Variants in DIP2C observed in about 807,000 individuals in gnomAD.
DIP2C encodes disco-interacting protein 2 homolog C.
DIP2C carries 33 observed loss-of-function variants against 192.4 expected under a neutral mutation model. The ratio of observed to expected loss-of-function variants is 0.17; its 90% CI spans 0.13 to 0.23. The LOEUF (loss-of-function observed/expected upper bound fraction) is 0.23. DIP2C is among the 10% of genes least tolerant of loss of function. The pLI, the probability that DIP2C is intolerant of heterozygous loss-of-function variation, is 1.00. For missense variants in DIP2C, 1,537 were observed against 2,110.1 expected (o/e 0.73, Z 5.32); for synonymous variants, 979 against 864.1 (o/e 1.13, Z -2.33).
At chr10:619,193 C>T (rs1053029662) in intron 1 of DIP2C, among the ~76,000 whole-genome samples, 1 of 152,192 alleles carries the variant, frequency 6.6e-6, no homozygotes, top group Non-Finnish European at 1.5e-5. Flanking sequence ...AACACCTGGA[C>T]AAGTCACATT....
intron 5 of DIP2C, among the ~76,000 whole-genome samples, chr10:421,629 A>C (rs1966186791): frequency 6.6e-6 from 1 of 152,268 alleles, no homozygotes; most frequent in Non-Finnish European, 1.5e-5. Flanking sequence ...AAACTGTGTT[A>C]AACTGAAGTT....
chr10:586,944 A>G (rs940539760), intron 1 of DIP2C, among the ~76,000 whole-genome samples: 6 of 151,770 alleles, frequency 4.0e-5, no homozygotes, highest in Admixed American at 3.3e-4. Flanking sequence ...GGGGAGGGGC[A>G]AACAGTGCAG....
At chr10:370,510 C>T (rs758427806) in intron 17 of DIP2C, among the ~76,000 whole-genome samples, 1 of 152,238 alleles carries the variant, frequency 6.6e-6, no homozygotes, top group Non-Finnish European at 1.5e-5. Context: ...ACTACCTGTG[C>T]GACCTCCTCC....
intron 29 of DIP2C, chr10:340,723 C>A: frequency 2.2e-6 from 1 of 456,416 alleles, no homozygotes; most frequent in Non-Finnish European, 4.4e-6. Flanking sequence ...AGGCTCCGAG[C>A]CGGCTGCTGG....
chr10:449,266 C>T (rs1463656388), intron 3 of DIP2C, among the ~76,000 whole-genome samples: 1 of 152,196 alleles, frequency 6.6e-6, no homozygotes, highest in African/African-American at 2.4e-5. Flanking sequence ...GACTTTCAAG[C>T]TCATCTTGTG....
At chr10:503,762 G>A (rs574346575) in intron 1 of DIP2C, among the ~76,000 whole-genome samples, 4 of 152,232 alleles carry the variant, frequency 2.6e-5, no homozygotes, top group Non-Finnish European at 4.4e-5. Flanking sequence ...ATTTGTAACC[G>A]CATTTTTACA....
intron 3 of DIP2C, among the ~76,000 whole-genome samples, chr10:467,806 G>A (rs1245147327): frequency 6.6e-6 from 1 of 152,134 alleles, no homozygotes; most frequent in African/African-American, 2.4e-5. Flanking sequence ...CCTGTTGGGT[G>A]CTGGAGGACT....
intron 1 of DIP2C, among the ~76,000 whole-genome samples, chr10:578,387 A>C (rs1398783424): frequency 6.6e-6 from 1 of 152,186 alleles, no homozygotes; most frequent in Admixed American, 6.5e-5. Flanking sequence ...AGGGCTGACA[A>C]AGTTGTGATA....
At chr10:484,794 A>G (rs1439886832) in intron 2 of DIP2C, 1 of 1,611,222 alleles carries the variant, frequency 6.2e-7, no homozygotes, top group East Asian at 2.2e-5. Context: ...AACGAAAGTA[A>G]AACAGAGGCC....
At chr10:502,436 A>G (rs1845300669) in intron 1 of DIP2C, among the ~76,000 whole-genome samples, 1 of 152,240 alleles carries the variant, frequency 6.6e-6, no homozygotes, top group Non-Finnish European at 1.5e-5. Context: ...CATAGGACGA[A>G]AGGCTCATAT....
rs1249876088 is a variant in DIP2C at position 363,169 on chromosome 10, ACCAGTGC to A, written c.2592+21_2592+27del. 1.9e-6 allele frequency: 3 copies of A among 1,589,438 alleles called. No individual in the cohort carries two copies. The South Asian group carries it at 3.3e-5, about 18-fold the overall frequency. On this transcript the variant is annotated intron_variant, in intron 21 of 36. Coordinates refer to ENST00000280886, the MANE Select transcript of DIP2C (RefSeq NM_014974.3). The surrounding 1 kb of genome is among the most constrained non-coding windows in gnomAD (Gnocchi z 5.4). The stretch of plus-strand genomic sequence containing the variant: ...GGAGGCCAGAAACAAGACACAGGGG[ACCAGTGC>A]CCAGGGCGAGGGAGGGCAACCTGCA...
chr10:343,539 G>C (rs1958264935), intron 28 of DIP2C, among the ~76,000 whole-genome samples: 1 of 152,220 alleles, frequency 6.6e-6, no homozygotes, highest in African/African-American at 2.4e-5. Flanking sequence ...TCATACAGGG[G>C]AACGTAGAAT....
chr10:418,877 T>TC (rs1368048948), intron 6 of DIP2C, among the ~76,000 whole-genome samples, 188 bp downstream of exon 6: 12 of 152,218 alleles, frequency 7.9e-5, no homozygotes, highest in Non-Finnish European at 1.6e-4. Flanking sequence ...AACTGTGGGC[T>TC]CACTTGGAGA....
intron 17 of DIP2C, 197 bp downstream of exon 17, chr10:382,450 G>A (rs1167816029): frequency 7.7e-6 from 4 of 516,754 alleles, no homozygotes; most frequent in African/African-American, 3.8e-5. Context: ...AGCGATAAAT[G>A]TTTTTTAATG....
intron 1 of DIP2C, among the ~76,000 whole-genome samples, chr10:645,727 G>A (rs1317363112): frequency 6.6e-6 from 1 of 152,190 alleles, no homozygotes; most frequent in Non-Finnish European, 1.5e-5. Context: ...AGCAAAAACA[G>A]AAGGAAGTGC....
chr10:481,978 G>C (rs111921387), intron 2 of DIP2C, among the ~76,000 whole-genome samples: 2 of 152,344 alleles, frequency 1.3e-5, no homozygotes, highest in African/African-American at 4.8e-5. Flanking sequence ...TTGGGGTGGA[G>C]ACTTAGCGTT....
intron 1 of DIP2C, among the ~76,000 whole-genome samples, chr10:606,340 G>A (rs866797847): frequency 3.7e-4 from 56 of 152,254 alleles, no homozygotes; most frequent in Middle Eastern, 3.4e-3. Context: ...CCCCGCTGCC[G>A]TAATTACCTG....
chr10:538,019 G>GC (rs1274536329), intron 1 of DIP2C, among the ~76,000 whole-genome samples: 1 of 152,042 alleles, frequency 6.6e-6, no homozygotes, highest in African/African-American at 2.4e-5. Flanking sequence ...TGAACTCCTG[G>GC]CCTCAAGCGA....
chr10:353,775 G>C (rs974648502), intron 24 of DIP2C, among the ~76,000 whole-genome samples: 6 of 152,318 alleles, frequency 3.9e-5, no homozygotes, highest in African/African-American at 1.4e-4. Flanking sequence ...AGCAGCGGCT[G>C]GGGGGCTGGT....
Sources: gnomAD v4.1 joint callset for allele counts (sites outside exome capture counted in the v4.1 genomes callset) on GRCh38, gnomAD v4.1.1 for gene constraint, Gnocchi (gnomAD v3.1) non-coding constraint, MANE v1.5 for transcripts, NCBI Gene and HGNC (gene_info 2026-07-23, HGNC 2026-07-21) for gene names.